The following COBL variants were observed in gnomAD, a reference collection of about 807,000 sequenced individuals.
The protein encoded by COBL is protein cordon-bleu.
COBL carries 51 observed loss-of-function variants against 98.8 expected under a neutral mutation model. The ratio of observed to expected loss-of-function variants is 0.52; its 90% confidence interval spans 0.41 to 0.65. COBL has a LOEUF of 0.65. Among genes scored for constraint, COBL ranks in the 30% least tolerant of loss-of-function variants. The pLI is 0.00. For synonymous variants in COBL, 634 were observed against 651.7 expected (o/e 0.97, Z 0.41); for missense variants, 1,617 against 1,617.5 (o/e 1.00, Z 0.01).
intron 5 of COBL, among the ~76,000 whole-genome samples, chr7:51,142,612 G>C (rs979679973): frequency 9.9e-5 from 15 of 152,026 alleles, no homozygotes; most frequent in African/African-American, 2.9e-4. Flanking sequence ...TCGAACTGCT[G>C]AACTCAAGTG....
chr7:51,037,482 T>G (rs2128881407), intron 8 of COBL, among the ~76,000 whole-genome samples: 1 of 152,342 alleles, frequency 6.6e-6, no homozygotes, highest in South Asian at 2.1e-4. Flanking sequence ...GAGCATTGGC[T>G]GGGGTCATAT....
intron 1 of COBL, among the ~76,000 whole-genome samples, chr7:51,244,361 G>T (rs2129127920): frequency 6.6e-6 from 1 of 152,312 alleles, no homozygotes; most frequent in South Asian, 2.1e-4. Context: ...GGCATAAACA[G>T]AAACACTGAC....
chr7:51,296,393 C>T (rs1025995356), intron 1 of COBL, among the ~76,000 whole-genome samples: 2 of 152,184 alleles, frequency 1.3e-5, no homozygotes, highest in South Asian at 4.1e-4. Flanking sequence ...TTTGTCCTAA[C>T]ATGGGAGATG....
chr7:51,052,900 G>T (rs1033430033), intron 7 of COBL, among the ~76,000 whole-genome samples: 1 of 152,118 alleles, frequency 6.6e-6, no homozygotes, highest in African/African-American at 2.4e-5. Context: ...CTATCACTCT[G>T]GATGTAAATT....
chr7:51,021,489 C>A (rs1186226482), intron 12 of COBL, among the ~76,000 whole-genome samples: 1 of 152,092 alleles, frequency 6.6e-6, no homozygotes, highest in African/African-American at 2.4e-5. Flanking sequence ...TGCCACCACA[C>A]CTGGCTCATT....
At chr7:51,231,916 G>C (rs986193506) in intron 1 of COBL, among the ~76,000 whole-genome samples, 2 of 152,128 alleles carry the variant, frequency 1.3e-5, no homozygotes, top group African/African-American at 2.4e-5. Context: ...AGCACCTCGG[G>C]GGGAGGGGAC....
intron 6 of COBL, among the ~76,000 whole-genome samples, chr7:51,120,498 T>G (rs2128988721): frequency 6.6e-6 from 1 of 152,330 alleles, no homozygotes; most frequent in African/African-American, 2.4e-5. Context: ...ATACACATAC[T>G]ATAAAATTTA....
chr7:51,123,889 C>T (rs1797962684), intron 6 of COBL, among the ~76,000 whole-genome samples: 1 of 152,186 alleles, frequency 6.6e-6, no homozygotes, highest in Admixed American at 6.5e-5. Context: ...GCACCCCCCT[C>T]TGCCAAGTGT....
At chr7:51,213,795 G>A (rs1052126184) in intron 2 of COBL, among the ~76,000 whole-genome samples, 3 of 152,076 alleles carry the variant, frequency 2.0e-5, no homozygotes, top group African/African-American at 7.2e-5. Flanking sequence ...TGAGGAGGAC[G>A]GTGTCAGACC....
rs138192096 is a variant in COBL at position 51,077,786 on chromosome 7, G to C, written c.1096+7380C>G. ...ATAGTTCCTCTGCTCCAGAAAAGCA[G>C]AAAATGAGAAGTGTAGGTGGAGGCT... On this transcript the variant is annotated intron_variant, in intron 7 of 12. Transcript: ENST00000265136. Among the ~76,000 whole-genome samples, 455 of 152,340 alleles carry C rather than the reference G, an allele frequency of 3.0e-3. 3 individuals carry two copies. The highest frequency in any genetic ancestry group is 0.011 in the African/African-American group (440 of 41,580).
intron 5 of COBL, among the ~76,000 whole-genome samples, chr7:51,158,727 G>A (rs1485166435): frequency 6.6e-6 from 1 of 152,166 alleles, no homozygotes; most frequent in Non-Finnish European, 1.5e-5. Flanking sequence ...AAGTCGGGGA[G>A]GAAACACTCA....
At chr7:51,055,570 T>C (rs766036815) in intron 7 of COBL, among the ~76,000 whole-genome samples, 1 of 152,192 alleles carries the variant, frequency 6.6e-6, no homozygotes, top group Non-Finnish European at 1.5e-5. Context: ...CCTGGAGGGC[T>C]TGTTAAAATA....
intron 1 of COBL, among the ~76,000 whole-genome samples, chr7:51,227,995 G>A (rs955612867): frequency 6.6e-6 from 1 of 152,108 alleles, no homozygotes; most frequent in African/African-American, 2.4e-5. Flanking sequence ...TCACACTGGA[G>A]CAATAAGCCA....
chr7:51,227,602 G>T lies in COBL; in HGVS notation c.42-7658C>A, dbSNP rs1584243014. On this transcript the variant is annotated intron_variant, in intron 1 of 12. Transcript: ENST00000265136. The stretch of plus-strand genomic sequence containing the variant: ...CAGCTCTGATGACTTCCTTAGACTT[G>T]TGCAGAGACCCTGCTCTTTTTAAAC... Among the ~76,000 whole-genome samples the T allele has an allele frequency of 2.0e-5, 3 of 152,146 alleles. No individual in the cohort carries two copies. In the South Asian group the frequency reaches 6.2e-4, roughly 32 times the overall value.
At chr7:51,064,922 G>C in intron 7 of COBL, 4 of 566,572 alleles carry the variant, frequency 7.1e-6, no homozygotes, top group Non-Finnish European at 9.4e-6. Context: ...GATGCAGTGC[G>C]GTCTGTGGTG....
chr7:51,082,995 G>T, intron 7 of COBL: 5 of 1,465,262 alleles, frequency 3.4e-6, no homozygotes, highest in Non-Finnish European at 4.6e-6. Context: ...ACCCAGCCCT[G>T]ACATCGCAGT....
At chr7:51,104,906 C>A (rs116673248) in intron 6 of COBL, among the ~76,000 whole-genome samples, 1 of 152,020 alleles carries the variant, frequency 6.6e-6, no homozygotes, top group African/African-American at 2.4e-5. Flanking sequence ...TGTAACCAAC[C>A]GCAAGTTCAT....
intron 2 of COBL, among the ~76,000 whole-genome samples, chr7:51,203,205 TA>T (rs201558011): frequency 3.5e-5 from 5 of 143,244 alleles, no homozygotes; most frequent in South Asian, 2.4e-4. Flanking sequence ...ACAGAAAAAT[TA>T]AAAAAAAAAC....
chr7:51,111,256 T>C (rs1210752993), intron 6 of COBL, among the ~76,000 whole-genome samples: 1 of 152,222 alleles, frequency 6.6e-6, no homozygotes, highest in Non-Finnish European at 1.5e-5. Context: ...ATACTATTTT[T>C]CATAATGGCT....
Sources: gnomAD v4.1 joint callset for allele counts (sites outside exome capture counted in the v4.1 genomes callset) on GRCh38, gnomAD v4.1.1 for gene constraint, MANE v1.5 for transcripts, NCBI Gene and HGNC (gene_info 2026-07-23, HGNC 2026-07-21) for gene names.